The following REPS2 variants were observed in gnomAD, a reference collection of about 807,000 sequenced individuals.
The protein encoded by REPS2 is ralBP1-associated Eps domain-containing protein 2.
REPS2 carries 23 observed loss-of-function variants against 53.6 expected under a neutral mutation model. That is an observed-to-expected ratio of 0.43 (90% CI 0.31 to 0.61). REPS2 has a LOEUF of 0.61. Ranked by LOEUF, REPS2 falls within the 20% of genes least tolerant of loss-of-function variation. The pLI is 0.11. For synonymous variants in REPS2, 238 were observed against 218.6 expected, an observed-to-expected ratio of 1.09 and a Z score of -0.78; for missense variants, 446 against 534.9, an observed-to-expected ratio of 0.83 and a Z score of 1.64.
Position 17,147,719 on chromosome X carries a change from T to C in REPS2, c.*238T>C. 1 of 291,765 alleles carries C rather than the reference T, an allele frequency of 3.4e-6. No homozygotes were observed. The highest frequency in any genetic ancestry group is 6.0e-6 in the Non-Finnish European group (1 of 165,660). 24.0% of individuals were successfully genotyped at this position (291,765 alleles called of 1,213,427 possible). The stretch of plus-strand genomic sequence containing the variant: ...AATTATCAGTGGAATTTGTCTCCTA[T>C]TCTTAAGTACTTCTGCAAGGTATTA... On this transcript the variant is annotated 3_prime_UTR_variant, in exon 18 of 18. Transcript: ENST00000357277.
At position 17,050,141 on chromosome X, in the gene REPS2, C is replaced by CCTTTCTTTCTTT. The variant is rs774556038; in HGVS notation, c.908-2196_908-2185dup. Among the ~76,000 whole-genome samples, 129 of 20,388 alleles carry CCTTTCTTTCTTT rather than the reference C, an allele frequency of 6.3e-3. 3 individuals carry two copies. Among genetic ancestry groups the CCTTTCTTTCTTT allele is most frequent in the African/African-American group, 7.8e-3 (49 of 6,281 alleles). 17.7% of individuals were successfully genotyped at this position (20,388 alleles called of 115,157 possible). A position where few individuals can be genotyped will look rare whatever the true frequency, so the allele number is the denominator to read the frequency against. On this transcript the variant is annotated intron_variant, in intron 6 of 17. Transcript: ENST00000357277. ...TTTCTTCTTTCTTTCTTCCTTTCTT[C>CCTTTCTTTCTTT]CTTTCTTTCTTTCTTTCTTTCTTTC...
intron 14 of REPS2, among the ~76,000 whole-genome samples, chrX:17,113,975 A>G (rs989153740): frequency 3.6e-5 from 4 of 112,606 alleles, no homozygotes; most frequent in African/African-American, 1.3e-4. Flanking sequence ...AGGGTAATGT[A>G]TATCTGCCTG....
chrX:17,050,183 TTTCTTTCTTTC>T lies in REPS2; in HGVS notation c.908-2196_908-2186del, dbSNP rs1569148440. Among the ~76,000 whole-genome samples, 14 of 56,840 alleles carry T rather than the reference TTTCTTTCTTTC, an allele frequency of 2.5e-4. 1 individual carries two copies. The highest frequency in any genetic ancestry group is 1.1e-3 in the African/African-American group (14 of 12,722). The allele number at this position is 56,840 out of a possible 115,157, so 49.4% of individuals were successfully genotyped here. On this transcript the variant is annotated intron_variant, in intron 6 of 17. Coordinates refer to ENST00000357277, the MANE Select transcript of REPS2 (RefSeq NM_004726.3). ...CTTTCTTTCTTTCTTTCTTTCTTTC[TTTCTTTCTTTC>T]TTTTTTTTTTTTTTTTGACAGGGTC... is the stretch of plus-strand genomic sequence containing the variant.
intron 17 of REPS2, 132 bp downstream of exon 17, chrX:17,139,093 A>G (rs2063410739): frequency 7.6e-6 from 3 of 395,386 alleles, no homozygotes; most frequent in East Asian, 8.3e-5. Context: ...CTCCATACCT[A>G]TCATGTACAG....
chrX:17,053,521 T>C (rs772861196), intron 7 of REPS2, among the ~76,000 whole-genome samples: 2 of 111,056 alleles, frequency 1.8e-5, no homozygotes, highest in Non-Finnish European at 3.8e-5. Flanking sequence ...TTTCATTTTT[T>C]TCTAGAGACA....
chrX:17,012,785 G>A (rs1349834414), intron 2 of REPS2, among the ~76,000 whole-genome samples: 4 of 111,917 alleles, frequency 3.6e-5, no homozygotes, highest in African/African-American at 1.3e-4. Context: ...GGTTCCTCTT[G>A]TTAAGTGTCC....
At chrX:16,951,542 CACACACACACACACA>C (rs2060508192) in intron 1 of REPS2, among the ~76,000 whole-genome samples, 1 of 53,878 alleles carries the variant, frequency 1.9e-5, no homozygotes, top group Admixed American at 3.4e-4. Context: ...CACACACACA[CACACACACACACACA>C]CACCCCCGCT....
At chrX:17,042,915 C>T (rs1038266554) in intron 5 of REPS2, among the ~76,000 whole-genome samples, 2 of 111,002 alleles carry the variant, frequency 1.8e-5, no homozygotes, top group Admixed American at 9.6e-5. Context: ...CGCACCTCAG[C>T]CTCCTGAGTA....
At chrX:17,142,526 C>T (rs1426096978) in intron 17 of REPS2, among the ~76,000 whole-genome samples, 1 of 111,710 alleles carries the variant, frequency 9.0e-6, no homozygotes, top group Non-Finnish European at 1.9e-5. Context: ...CAAAGCATCT[C>T]AATTTAAAAA....
the REPS2 span, among the ~76,000 whole-genome samples, chrX:17,172,421 C>G: frequency 8.9e-6 from 1 of 111,870 alleles, no homozygotes; most frequent in Non-Finnish European, 1.9e-5. Context: ...CACTCTCTTT[C>G]TCCTGCTCCA....
the REPS2 span, among the ~76,000 whole-genome samples, chrX:17,192,219 C>T: frequency 1.8e-5 from 2 of 112,356 alleles, no homozygotes; most frequent in Non-Finnish European, 3.8e-5. Flanking sequence ...CACGCATGAG[C>T]GTGCATGTGT....
At chrX:17,042,340 T>C (rs1473967076) in intron 5 of REPS2, among the ~76,000 whole-genome samples, 1 of 111,598 alleles carries the variant, frequency 9.0e-6, no homozygotes, top group Non-Finnish European at 1.9e-5. Flanking sequence ...GCTCCACAGC[T>C]TATTTGCCCT....
At chrX:17,065,978 A>AT (rs111762048) in intron 9 of REPS2, among the ~76,000 whole-genome samples, 2,855 of 111,374 alleles carry the variant, frequency 0.026, 98 homozygotes, top group African/African-American at 0.09. Flanking sequence ...GTCCAACTTT[A>AT]TTTTTTTGTA....
chrX:17,115,619 T>C (rs2063041863), intron 14 of REPS2, among the ~76,000 whole-genome samples: 2 of 112,000 alleles, frequency 1.8e-5, no homozygotes, highest in African/African-American at 6.5e-5. Context: ...TATTTCAGAC[T>C]ATCACATGGG....
At chrX:17,182,260 G>A in the REPS2 span, among the ~76,000 whole-genome samples, 849 of 110,418 alleles carry the variant, frequency 7.7e-3, 10 homozygotes, top group African/African-American at 0.027. Context: ...TCTGGCTACC[G>A]TGTGGCTGAC....
chrX:17,138,313 C>T (rs1355821068), intron 16 of REPS2: 4 of 112,650 alleles, frequency 3.6e-5, no homozygotes, highest in African/African-American at 1.3e-4. Flanking sequence ...CAGATATATG[C>T]TGGTCCATGC....
At chrX:17,081,368 AT>A (rs2062453567) in intron 13 of REPS2, among the ~76,000 whole-genome samples, 1 of 112,452 alleles carries the variant, frequency 8.9e-6, no homozygotes, top group South Asian at 3.7e-4. Context: ...AGGAAATAGA[AT>A]AAAAAATTGT....
chrX:17,097,323 C>G (rs1442762303), intron 13 of REPS2, among the ~76,000 whole-genome samples: 1 of 112,075 alleles, frequency 8.9e-6, no homozygotes, highest in South Asian at 3.7e-4. Context: ...TACTAATAGA[C>G]TTCTCAATTA....
intron 14 of REPS2, among the ~76,000 whole-genome samples, chrX:17,122,601 A>T: frequency 8.9e-6 from 1 of 112,260 alleles, no homozygotes. Context: ...CAGCTTTAGT[A>T]GGTACTGCCA....
Sources: allele counts gnomAD v4.1 joint callset (sites outside exome capture counted in the v4.1 genomes callset), GRCh38; gene constraint gnomAD v4.1.1; transcripts MANE v1.5; gene names NCBI Gene and HGNC (gene_info 2026-07-23, HGNC 2026-07-21).